DNER: variants seen among roughly 807,000 people sequenced by gnomAD.
DNER encodes the protein delta/notch like EGF repeat containing.
A neutral mutation model predicts 78.2 loss-of-function variants in DNER; 33 were observed. The observed-to-expected ratio is 0.42, with a 90% CI of 0.32 to 0.56. The LOEUF (loss-of-function observed/expected upper bound fraction) is 0.56, where lower values mean the gene tolerates loss of function less well. Among genes scored for constraint, DNER ranks in the 20% least tolerant of loss-of-function variants. DNER has a pLI of 0.11. For missense variants in DNER, 918 were observed against 975.3 expected, an observed-to-expected ratio of 0.94 and a Z score of 0.78; for synonymous variants, 417 against 384.8, an observed-to-expected ratio of 1.08 and a Z score of -0.98.
intron 1 of DNER, among the ~76,000 whole-genome samples, chr2:229,675,733 C>G: frequency 6.6e-6 from 1 of 152,198 alleles, no homozygotes; most frequent in Non-Finnish European, 1.5e-5. Context: ...CTACTCATTA[C>G]TCTTTTATAG....
intron 1 of DNER, among the ~76,000 whole-genome samples, chr2:229,632,025 A>G (rs1469420866): frequency 6.6e-6 from 1 of 152,240 alleles, no homozygotes; most frequent in Non-Finnish European, 1.5e-5. Flanking sequence ...TAAACTCTGC[A>G]CTACAGAACT....
At chr2:229,707,180 A>ATTTTT (rs397868353) in intron 1 of DNER, among the ~76,000 whole-genome samples, 21 of 94,610 alleles carry the variant, frequency 2.2e-4, no homozygotes, top group South Asian at 8.3e-4. Context: ...CGGCTGGCTA[A>ATTTTT]TTTTTTTTTT....
intron 11 of DNER, among the ~76,000 whole-genome samples, chr2:229,374,419 G>T (rs1254297719): frequency 1.3e-5 from 2 of 152,228 alleles, no homozygotes; most frequent in Admixed American, 6.5e-5. Context: ...AAATGAATTG[G>T]AAGTACCTTT....
intron 8 of DNER, among the ~76,000 whole-genome samples, chr2:229,440,336 G>A (rs977309474): frequency 6.6e-6 from 1 of 152,120 alleles, no homozygotes; most frequent in Non-Finnish European, 1.5e-5. Context: ...GCGTCTGGAC[G>A]TCTAGTGGAG....
At chr2:229,671,139 C>T (rs1023786783) in intron 1 of DNER, among the ~76,000 whole-genome samples, 12 of 152,288 alleles carry the variant, frequency 7.9e-5, no homozygotes, top group East Asian at 3.9e-4. Flanking sequence ...ACAACTTCAG[C>T]GGTTCCTGTA....
intron 10 of DNER, among the ~76,000 whole-genome samples, chr2:229,398,050 C>T (rs1020784769): frequency 5.3e-5 from 8 of 151,416 alleles, no homozygotes; most frequent in Admixed American, 4.6e-4. Context: ...AAACTGAAAA[C>T]AAAAACAATA....
At chr2:229,682,802 C>T (rs185828436) in intron 1 of DNER, among the ~76,000 whole-genome samples, 6 of 152,096 alleles carry the variant, frequency 3.9e-5, no homozygotes, top group South Asian at 4.2e-4. Flanking sequence ...GAGCCAAGAT[C>T]GTGCCATTGC....
intron 6 of DNER, among the ~76,000 whole-genome samples, chr2:229,491,949 T>C (rs2154211728): frequency 1.0e-5 from 1 of 96,422 alleles, no homozygotes; most frequent in South Asian, 6.1e-4. Flanking sequence ...TTTGCCATGA[T>C]TACACACACA....
chr2:229,471,718 C>T (rs1462740312), intron 7 of DNER, among the ~76,000 whole-genome samples: 1 of 152,154 alleles, frequency 6.6e-6, no homozygotes. Context: ...AACTCAGCAC[C>T]TACTATTTGC....
At chr2:229,415,188 G>A (rs1489560533) in intron 9 of DNER, among the ~76,000 whole-genome samples, 5 of 151,922 alleles carry the variant, frequency 3.3e-5, no homozygotes, top group East Asian at 3.9e-4. Flanking sequence ...AGGCCTTCCC[G>A]GAAGTTCAAG....
At chr2:229,394,182 T>G (rs975273359) in intron 10 of DNER, among the ~76,000 whole-genome samples, 2 of 152,202 alleles carry the variant, frequency 1.3e-5, no homozygotes, top group African/African-American at 2.4e-5. Context: ...GTACTGTTCC[T>G]TGTACAAGAA....
In DNER at chr2:229,585,883, G is replaced by A. The variant is rs779156111; in HGVS notation, c.822C>T (p.Leu274=). The A allele has an allele frequency of 2.0e-5, 33 of 1,613,810 alleles. No individual in the cohort carries two copies. Among genetic ancestry groups the A allele is most frequent in the Non-Finnish European group, 2.7e-5 (32 of 1,179,966 alleles). Residue 274 remains leucine (L), a synonymous_variant, in exon 4 of 13, where the codon CTC becomes CTT. Transcript: ENST00000341772. The stretch of plus-strand genomic sequence containing the variant: ...CAATAAAGTGATTATTCCCCAAGGC[G>A]AGCATCTCCTCCAGGAGGACCAGTC... ...SGGLVLLEEM[L]ALGNNHFIGF...
intron 8 of DNER, among the ~76,000 whole-genome samples, chr2:229,425,834 G>A (rs1693864183): frequency 6.6e-6 from 1 of 152,114 alleles, no homozygotes; most frequent in African/African-American, 2.4e-5. Context: ...CAGGCAAACA[G>A]GACCTTCGAA....
chr2:229,466,044 G>A (rs1694798217), intron 7 of DNER, among the ~76,000 whole-genome samples: 1 of 152,016 alleles, frequency 6.6e-6, no homozygotes, highest in Non-Finnish European at 1.5e-5. Context: ...AGTGTAACAG[G>A]CTCCTAACAG....
In DNER at chr2:229,684,098, CAG is replaced by C. The variant is rs1001884361; in HGVS notation, c.276+30048_276+30049del. 4.6e-5 allele frequency among the ~76,000 whole-genome samples: 4 copies of C among 87,070 alleles called. No individual in the cohort carries two copies. In the East Asian group the frequency reaches 1.1e-3, roughly 24 times the overall value. 57.1% of individuals were successfully genotyped at this position (87,070 alleles called of 152,430 possible). A position where few individuals can be genotyped will look rare whatever the true frequency, so the allele number is the denominator to read the frequency against. ...GCTGAGAACAGGAGATAGTACCTACCAGAGTGTGTGTGTGTGTGTGTGTGTTT... is the reference window on the plus strand; with the variant it reads ...GCTGAGAACAGGAGATAGTACCTACCAGTGTGTGTGTGTGTGTGTGTGTTT... On this transcript the variant is annotated intron_variant, in intron 1 of 12. Coordinates refer to ENST00000341772, the MANE Select transcript of DNER (RefSeq NM_139072.4).
chr2:229,677,799 T>C (rs1699320916), intron 1 of DNER, among the ~76,000 whole-genome samples: 1 of 152,204 alleles, frequency 6.6e-6, no homozygotes, highest in African/African-American at 2.4e-5. Context: ...TGTTTAAGTT[T>C]TTTGAAAGAT....
At chr2:229,686,057 T>C (rs9288650) in intron 1 of DNER, among the ~76,000 whole-genome samples, 56,447 of 151,818 alleles carry the variant, frequency 0.37, 11,043 homozygotes, top group East Asian at 0.71. Context: ...GGTGCCCCTC[T>C]GAGAATGGGA....
At chr2:229,367,804 C>A (rs761646992) in intron 11 of DNER, among the ~76,000 whole-genome samples, 1 of 152,148 alleles carries the variant, frequency 6.6e-6, no homozygotes, top group Non-Finnish European at 1.5e-5. Flanking sequence ...GATACATAAC[C>A]GTTTCATTTA....
intron 9 of DNER, among the ~76,000 whole-genome samples, chr2:229,411,119 A>G (rs903404918): frequency 6.6e-6 from 1 of 152,216 alleles, no homozygotes; most frequent in African/African-American, 2.4e-5. Flanking sequence ...TATTTATCAC[A>G]GTACTTGAAA....
Sources: allele counts gnomAD v4.1 joint callset (sites outside exome capture counted in the v4.1 genomes callset), GRCh38; gene constraint gnomAD v4.1.1; transcripts MANE v1.5; gene names NCBI Gene and HGNC (gene_info 2026-07-23, HGNC 2026-07-21).